The following CDK13 variants were observed in gnomAD, a reference collection of about 807,000 sequenced individuals.
The protein encoded by CDK13 is cyclin-dependent kinase 13.
A neutral mutation model predicts 137.6 loss-of-function variants in CDK13; 40 were observed. That is an observed-to-expected ratio of 0.29 (90% CI 0.23 to 0.38). The LOEUF is 0.38. CDK13 is among the 10% of genes least tolerant of loss of function. The pLI is 1.00. For synonymous variants in CDK13, 869 were observed against 760.1 expected (o/e 1.14, Z -2.36); for missense variants, 1,704 against 1,951.8 (o/e 0.87, Z 2.39).
intron 6 of CDK13, among the ~76,000 whole-genome samples, chr7:40,047,216 T>C (rs369205883): frequency 1.3e-5 from 2 of 152,162 alleles, no homozygotes; most frequent in East Asian, 3.8e-4. Context: ...CTTGGAAGTG[T>C]GTACACACAC....
At chr7:40,003,204 A>ACTCTCTCTCTCTCTCT (rs1247909926) in intron 5 of CDK13, among the ~76,000 whole-genome samples, 6 of 81,174 alleles carry the variant, frequency 7.4e-5, no homozygotes, top group African/African-American at 2.7e-4. Flanking sequence ...ACACACACAC[A>ACTCTCTCTCTCTCTCT]CACTCTCTCT....
intron 2 of CDK13, among the ~76,000 whole-genome samples, chr7:39,993,090 A>G (rs1306111701): frequency 3.3e-5 from 5 of 152,172 alleles, no homozygotes; most frequent in Non-Finnish European, 5.9e-5. Context: ...CCAACAACCT[A>G]TCACCTAATG....
chr7:40,074,202 G>A (rs1562761247), intron 9 of CDK13, among the ~76,000 whole-genome samples: 1 of 151,498 alleles, frequency 6.6e-6, no homozygotes, highest in Non-Finnish European at 1.5e-5. Flanking sequence ...GCCTGGCCAA[G>A]CTTTTCTAAT....
At chr7:40,089,723 A>AGAGT (rs1491307176) in intron 12 of CDK13, among the ~76,000 whole-genome samples, 4,128 of 125,040 alleles carry the variant, frequency 0.033, 74 homozygotes, top group South Asian at 0.065. Context: ...AGAGAGAGAG[A>AGAGT]GTGTGTGTGT....
chr7:39,998,323 T>G (rs1784606890), intron 3 of CDK13: 5 of 151,128 alleles, frequency 3.3e-5, no homozygotes, highest in Admixed American at 2.7e-4. Flanking sequence ...TTTTCTAAAC[T>G]GGCCGGGCAC....
chr7:39,998,511 C>T (rs929231970), intron 3 of CDK13: 3 of 146,088 alleles, frequency 2.1e-5, no homozygotes, highest in Non-Finnish European at 4.4e-5. Context: ...TCCAGCTACT[C>T]AGGAGGCTAA....
intron 9 of CDK13, among the ~76,000 whole-genome samples, chr7:40,077,108 A>G (rs1172442699): frequency 6.6e-6 from 1 of 152,234 alleles, no homozygotes; most frequent in Non-Finnish European, 1.5e-5. Flanking sequence ...CAAGATACAG[A>G]TAAACGAGAG....
Position 39,951,059 on chromosome 7 carries a change from G to T in CDK13, c.418G>T (p.Val140Leu), listed in dbSNP as rs1787157841. The change falls in exon 1 of 14, where the codon GTG becomes TTG. Residue 140 changes from valine (V) to leucine (L), a missense_variant. Physicochemically the swap from Val to Leu is conservative, Grantham distance 32. Transcript: ENST00000181839. ...GGGGASSGGGVTPLVEYEDVS... is the reference protein window; with the variant it reads ...GGGGASSGGGLTPLVEYEDVS... Reference sequence around the variant, plus strand: ...TGGCGGTGCTAGTAGCGGCGGGGGTGTGACCCCGCTGGTGGAATACGAGGA... The same window carrying T: ...TGGCGGTGCTAGTAGCGGCGGGGGTTTGACCCCGCTGGTGGAATACGAGGA... 7.8e-7 allele frequency: 1 copy of T among 1,279,396 alleles called. No individual in the cohort carries two copies. Among genetic ancestry groups the T allele is most frequent in the Non-Finnish European group, 9.9e-7 (1 of 1,014,942 alleles). The allele number at this position is 1,279,396 out of a possible 1,614,324, so 79.3% of individuals were successfully genotyped here.
At chr7:39,964,085 T>C (rs1783812094) in intron 1 of CDK13, among the ~76,000 whole-genome samples, 1 of 152,198 alleles carries the variant, frequency 6.6e-6, no homozygotes, top group Non-Finnish European at 1.5e-5. Flanking sequence ...AATTCTATTT[T>C]TTGTTGTGTC....
intron 9 of CDK13, among the ~76,000 whole-genome samples, chr7:40,076,911 A>G (rs554480043): frequency 6.6e-6 from 1 of 152,322 alleles, no homozygotes; most frequent in East Asian, 1.9e-4. Flanking sequence ...AATTTTATAT[A>G]TAATAAACAT....
At chr7:39,973,591 A>T (rs1028423325) in intron 1 of CDK13, among the ~76,000 whole-genome samples, 1 of 152,254 alleles carries the variant, frequency 6.6e-6, no homozygotes, top group African/African-American at 2.4e-5. Context: ...TTTAAAGCAC[A>T]AAAGTATTTT....
At chr7:40,006,168 T>A (rs537416858) in intron 5 of CDK13, among the ~76,000 whole-genome samples, 1 of 152,354 alleles carries the variant, frequency 6.6e-6, no homozygotes, top group East Asian at 1.9e-4. Flanking sequence ...TGATTTTTAA[T>A]CTTTTATTGT....
chr7:39,997,438 A>G, intron 2 of CDK13, 56 bp from the exon 3 acceptor site: 1 of 1,334,724 alleles, frequency 7.5e-7, no homozygotes, highest in Non-Finnish European at 1.1e-6. Flanking sequence ...TCATAAGCAT[A>G]TTTTTATTAG....
intron 5 of CDK13, among the ~76,000 whole-genome samples, chr7:40,028,386 T>C (rs1785292410): frequency 6.6e-6 from 1 of 151,976 alleles, no homozygotes; most frequent in South Asian, 2.1e-4. Context: ...GCTTGGCTAA[T>C]TTTTTGTATT....
intron 4 of CDK13, among the ~76,000 whole-genome samples, chr7:40,000,946 CATACTTAA>C (rs1430459002): frequency 6.6e-6 from 1 of 152,116 alleles, no homozygotes; most frequent in African/African-American, 2.4e-5. Flanking sequence ...AAAGCTGACT[CATACTTAA>C]ATTATGTGGC....
At chr7:40,004,977 C>G (rs1310347121) in intron 5 of CDK13, among the ~76,000 whole-genome samples, 1 of 152,098 alleles carries the variant, frequency 6.6e-6, no homozygotes, top group Non-Finnish European at 1.5e-5. Context: ...TTGTTTGAGA[C>G]CAGCCTGGCC....
At chr7:40,032,109 T>C (rs575071400) in intron 5 of CDK13, among the ~76,000 whole-genome samples, 1 of 151,962 alleles carries the variant, frequency 6.6e-6, no homozygotes, top group South Asian at 2.1e-4. Flanking sequence ...AGGCCTGGAG[T>C]GCAGTGGTGT....
intron 11 of CDK13, among the ~76,000 whole-genome samples, chr7:40,081,228 C>G (rs866021774): frequency 1.0e-3 from 157 of 152,152 alleles, no homozygotes; most frequent in African/African-American, 3.5e-3. Flanking sequence ...TGATGGTGAT[C>G]CTGCTCTGTG....
intron 5 of CDK13, among the ~76,000 whole-genome samples, chr7:40,030,958 T>C (rs191953324): frequency 2.7e-4 from 41 of 152,334 alleles, no homozygotes; most frequent in Non-Finnish European, 4.6e-4. Flanking sequence ...TTGACAGTTA[T>C]GAATAAATAT....
Sources: allele counts gnomAD v4.1 joint callset (sites outside exome capture counted in the v4.1 genomes callset), GRCh38; gene constraint gnomAD v4.1.1; transcripts MANE v1.5; gene names NCBI Gene and HGNC (gene_info 2026-07-23, HGNC 2026-07-21).